The following STYXL1 variants were observed in gnomAD, a reference collection of about 807,000 sequenced individuals.
STYXL1 encodes serine/threonine/tyrosine-interacting-like protein 1.
In STYXL1, 32 loss-of-function variants were observed where a neutral mutation model predicts 36.4. The ratio of observed to expected loss-of-function variants is 0.88; its 90% confidence interval spans 0.66 to 1.18. The LOEUF (loss-of-function observed/expected upper bound fraction) is 1.18. Among genes scored for constraint, STYXL1 ranks in the 50% most tolerant of loss-of-function variants. The pLI is 0.00. For synonymous variants in STYXL1, 133 were observed against 144.1 expected (o/e 0.92, Z 0.55); for missense variants, 354 against 394.1 (o/e 0.90, Z 0.86).
At chr7:76,043,470 A>G (rs998290625) in intron 1 of STYXL1, among the ~76,000 whole-genome samples, 1 of 151,544 alleles carries the variant, frequency 6.6e-6, no homozygotes, top group Admixed American at 6.6e-5. Context: ...ACTTTGCCCA[A>G]GAGGGCCACC....
At chr7:76,029,614 G>C (rs1795103845) in intron 2 of STYXL1, among the ~76,000 whole-genome samples, 1 of 152,140 alleles carries the variant, frequency 6.6e-6, no homozygotes, top group Non-Finnish European at 1.5e-5. Flanking sequence ...TTATTACATT[G>C]TAATATATAA....
intron 3 of STYXL1, among the ~76,000 whole-genome samples, chr7:76,028,252 T>C (rs1794940858): frequency 6.6e-6 from 1 of 152,096 alleles, no homozygotes. Flanking sequence ...CAGTCTGGTC[T>C]TGAACTCCTG....
intron 7 of STYXL1, among the ~76,000 whole-genome samples, chr7:76,002,121 A>G (rs1335355975): frequency 6.6e-6 from 1 of 152,036 alleles, no homozygotes; most frequent in Non-Finnish European, 1.5e-5. Flanking sequence ...TTTTTTGTAC[A>G]GATGGGGTCT....
chr7:76,017,714 T>C (rs1013629096), intron 4 of STYXL1, among the ~76,000 whole-genome samples: 1 of 144,370 alleles, frequency 6.9e-6, no homozygotes, highest in African/African-American at 2.5e-5. Flanking sequence ...GGCGAAACCC[T>C]GTCTGTACTG....
chr7:76,021,974 G>A lies in STYXL1; in HGVS notation c.184C>T (p.Leu62Phe), dbSNP rs1563496458. The change falls in exon 4 of 9, where the codon CTC becomes TTC. Residue 62 changes from leucine to phenylalanine, a missense_variant. By Grantham distance (22) the Leu-to-Phe change is conservative (BLOSUM62 0). Transcript: ENST00000359697. ...CACTCCAGGTCCACAGACTCCGGGA[G>A]AAGATATTCATTATTTTTCTTAAAA... ...RVKKKNNEYL[L>F]PESVDLECVK... 2.5e-6 allele frequency: 4 copies of A among 1,606,632 alleles called. No individual in the cohort carries two copies. The highest frequency in any genetic ancestry group is 3.4e-6 in the Non-Finnish European group (4 of 1,178,576).
rs561013883 is a variant in STYXL1, at chr7:76,037,949, G to A, written c.-4-7422C>T. Among the ~76,000 whole-genome samples, 9 of 150,350 alleles carry A rather than the reference G, an allele frequency of 6.0e-5. 1 individual carries two copies. In the South Asian group the frequency reaches 2.0e-3, roughly 33 times the overall value. On this transcript the variant is annotated intron_variant, in intron 1 of 8. Transcript: ENST00000359697. ...GTGACAGGCATCAATGCCCTCACCT[G>A]TAAGCTGAGATAATACACACTGGCA...
chr7:76,020,456 G>T (rs559648412), intron 4 of STYXL1, among the ~76,000 whole-genome samples: 2 of 152,168 alleles, frequency 1.3e-5, no homozygotes, highest in Non-Finnish European at 2.9e-5. Context: ...AGCCTCAGAG[G>T]TTCGATGGAG....
chr7:76,007,398 C>A (rs1791918941), intron 5 of STYXL1, among the ~76,000 whole-genome samples: 1 of 152,104 alleles, frequency 6.6e-6, no homozygotes, highest in South Asian at 2.1e-4. Context: ...TGCACCCCAG[C>A]CTGGCAACAG....
At position 75,996,495 on chromosome 7, in the gene STYXL1, G is replaced by T; in HGVS notation, c.915C>A (p.Ile305=). Residue 305 remains isoleucine (I), a synonymous_variant, in exon 9 of 9, where the codon ATC becomes ATA. Coordinates refer to ENST00000359697, the MANE Select transcript of STYXL1 (RefSeq NM_001317785.2). The part of the protein sequence containing the change: ...EWEKTILGDS[I]TNIMDPLY ...AGTAGAGCGGATCCATGATGTTTGT[G>T]ATGGAATCTCCAAGGATAGTCTTCT... The T allele has an allele frequency of 6.2e-7, 1 of 1,614,236 alleles. No individual in the cohort carries two copies.
intron 1 of STYXL1, among the ~76,000 whole-genome samples, chr7:76,036,748 C>G (rs1554580782): frequency 6.7e-6 from 1 of 149,988 alleles, no homozygotes; most frequent in East Asian, 1.9e-4. Flanking sequence ...AAGACATCCT[C>G]CTTTATACAG....
intron 3 of STYXL1, among the ~76,000 whole-genome samples, chr7:76,026,192 CAAAAAAAAAAAAAAAAAAAAAAAAA>C (rs1159067824): frequency 3.2e-4 from 6 of 18,614 alleles, no homozygotes; most frequent in South Asian, 3.8e-3. Context: ...ACTCTGTCTC[CAAAAAAAAAAAAAAAAAAAAAAAAA>C]AAAAAAAAAA....
intron 3 of STYXL1, 124 bp downstream of exon 3, chr7:76,028,518 C>T (rs1794971550): frequency 4.8e-6 from 4 of 840,834 alleles, no homozygotes; most frequent in East Asian, 2.7e-5. Flanking sequence ...AAGACCACCA[C>T]GGTGGGCACA....
chr7:76,013,681 A>C, intron 5 of STYXL1, 61 bp downstream of exon 5: 3 of 1,609,714 alleles, frequency 1.9e-6, no homozygotes, highest in Non-Finnish European at 2.5e-6. Context: ...GTCACCCACA[A>C]GTCAGTTTCT....
At chr7:76,047,110 C>A (rs1797227265) in intron 1 of STYXL1, among the ~76,000 whole-genome samples, 1 of 147,864 alleles carries the variant, frequency 6.8e-6, no homozygotes, top group African/African-American at 2.5e-5. Context: ...AAAAAAAATA[C>A]AAAAAATTAG....
chr7:76,041,904 T>C (rs1796504904), intron 1 of STYXL1, among the ~76,000 whole-genome samples: 1 of 152,252 alleles, frequency 6.6e-6, no homozygotes, highest in African/African-American at 2.4e-5. Context: ...GGCAATGTTT[T>C]ATCGTTTGTT....
chr7:76,000,879 G>C lies in STYXL1; in HGVS notation c.810+11C>G. On this transcript the variant is annotated intron_variant, in intron 8 of 8. Coordinates refer to ENST00000359697, the MANE Select transcript of STYXL1 (RefSeq NM_001317785.2). ...TGGCCGTGGTGCGAGCCTGGCCCGG[G>C]GAACGCATACCTGCAAGGTCTGCTC... 6.2e-7 allele frequency: 1 copy of C among 1,612,418 alleles called. No individual in the cohort carries two copies. The highest frequency in any genetic ancestry group is 8.5e-7 in the Non-Finnish European group (1 of 1,178,434).
chr7:76,046,274 C>CTGTGTGTG (rs782245806), intron 1 of STYXL1, among the ~76,000 whole-genome samples: 69 of 103,148 alleles, frequency 6.7e-4, no homozygotes, highest in African/African-American at 2.8e-3. Context: ...AGCTTATCTG[C>CTGTGTGTG]TGTGTGTGTG....
At position 76,030,429 on chromosome 7, in the gene STYXL1, CAG is replaced by C; in HGVS notation, c.93_94del (p.Cys32PhefsTer11). ...TTTTTCCAAGTACTTACCCAATAAA[CAG>C]AGATAGTTGGGGTCTGTTAATCTGG... On this transcript the variant is annotated frameshift_variant, in exon 2 of 9. Transcript: ENST00000359697. LOFTEE classifies it high-confidence loss of function. 1 of 1,609,512 alleles carries C rather than the reference CAG, an allele frequency of 6.2e-7. No homozygotes were observed.
At chr7:76,029,291 C>G (rs530930025) in intron 2 of STYXL1, among the ~76,000 whole-genome samples, 1 of 152,068 alleles carries the variant, frequency 6.6e-6, no homozygotes, top group South Asian at 2.1e-4. Flanking sequence ...GGACCACAGG[C>G]ACATGCCACC....
Sources: gnomAD v4.1 joint callset for allele counts (sites outside exome capture counted in the v4.1 genomes callset) on GRCh38, gnomAD v4.1.1 for gene constraint, MANE v1.5 for transcripts, NCBI Gene and HGNC (gene_info 2026-07-23, HGNC 2026-07-21) for gene names.